The following GOLGA1 variants were observed in gnomAD, a reference collection of about 807,000 sequenced individuals.
GOLGA1 encodes the protein golgin subfamily A member 1.
In GOLGA1, 63 loss-of-function variants were observed where a neutral mutation model predicts 119.7. The ratio of observed to expected loss-of-function variants is 0.53; its 90% CI spans 0.43 to 0.65. The LOEUF (loss-of-function observed/expected upper bound fraction) is 0.65, where lower values mean the gene tolerates loss of function less well. Ranked by LOEUF, GOLGA1 falls within the 30% of genes least tolerant of loss-of-function variation. The pLI is 0.00. For missense variants in GOLGA1, 798 were observed against 912.8 expected (o/e 0.87, Z 1.62); for synonymous variants, 318 against 333.4 (o/e 0.95, Z 0.50).
chr9:124,941,911 T>A (rs1831039406), upstream of GOLGA1, among the ~76,000 whole-genome samples: 1 of 151,786 alleles, frequency 6.6e-6, no homozygotes, highest in South Asian at 2.1e-4. Context: ...CGAGACTCCG[T>A]CTCTTTAAAT....
At chr9:124,948,026 T>G (rs1012318903), upstream of GOLGA1, 2 of 152,218 alleles carry the variant, frequency 1.3e-5, no homozygotes, top group Non-Finnish European at 2.9e-5. Context: ...GACAGAAAGT[T>G]ACTATATCAC....
chr9:124,903,704 T>C lies in GOLGA1; in HGVS notation c.1066-3157A>G, dbSNP rs939100060. On this transcript the variant is annotated intron_variant, in intron 12 of 22. Coordinates refer to ENST00000373555, the MANE Select transcript of GOLGA1 (RefSeq NM_002077.4). ...TGGAATTCAAGTGTTCATCAATGAATGAATGGAGAAACAAAATGTGGTCTA... is the reference window on the plus strand; with the variant it reads ...TGGAATTCAAGTGTTCATCAATGAACGAATGGAGAAACAAAATGTGGTCTA... 3.9e-4 allele frequency among the ~76,000 whole-genome samples: 52 copies of C among 134,138 alleles called. 1 individual carries two copies. The highest frequency in any genetic ancestry group is 4.2e-4 in the Non-Finnish European group (26 of 61,506). 88.0% of individuals were successfully genotyped at this position (134,138 alleles called of 152,430 possible).
chr9:124,919,825 C>A (rs1764821429), intron 10 of GOLGA1, among the ~76,000 whole-genome samples: 1 of 152,074 alleles, frequency 6.6e-6, no homozygotes. Context: ...ACCCAGAGGC[C>A]AGGAATGCTA....
intron 10 of GOLGA1, among the ~76,000 whole-genome samples, chr9:124,915,311 G>A (rs1433646677): frequency 6.6e-6 from 1 of 152,222 alleles, no homozygotes; most frequent in Non-Finnish European, 1.5e-5. Context: ...GGGTAGTTGT[G>A]AGGACTCGAT....
At chr9:124,921,061 G>C (rs1830559796) in intron 10 of GOLGA1, 68 bp downstream of exon 10, 1 of 985,450 alleles carries the variant, frequency 1.0e-6, no homozygotes, top group Admixed American at 1.7e-5. Context: ...CTCTCAGGCA[G>C]AAATTTCTGA....
At chr9:124,916,616 G>A (rs1198047367) in intron 10 of GOLGA1, among the ~76,000 whole-genome samples, 1 of 152,096 alleles carries the variant, frequency 6.6e-6, no homozygotes, top group Non-Finnish European at 1.5e-5. Context: ...GCTCATGCCT[G>A]TAATCCCAGG....
At chr9:124,897,938 G>A (rs1262802804) in intron 15 of GOLGA1, among the ~76,000 whole-genome samples, 1 of 152,180 alleles carries the variant, frequency 6.6e-6, no homozygotes, top group Non-Finnish European at 1.5e-5. Flanking sequence ...AAGGTGCTTT[G>A]AAAGGGGCCA....
chr9:124,910,159 G>A (rs573460915), intron 11 of GOLGA1, among the ~76,000 whole-genome samples: 35 of 152,264 alleles, frequency 2.3e-4, no homozygotes, highest in African/African-American at 8.2e-4. Context: ...TCGATCTCCT[G>A]ATCTTGTGAT....
At chr9:124,897,422 G>C (rs1033024087) in intron 15 of GOLGA1, among the ~76,000 whole-genome samples, 3 of 152,124 alleles carry the variant, frequency 2.0e-5, no homozygotes, top group Non-Finnish European at 4.4e-5. Flanking sequence ...TTGGCTCACT[G>C]CAGCCTCCAC....
At chr9:124,945,769 A>G (rs1414276570), upstream of GOLGA1, 7 of 152,148 alleles carry the variant, frequency 4.6e-5, no homozygotes, top group Admixed American at 4.6e-4. Flanking sequence ...CCTTAAACAC[A>G]AGGCATGCTT....
rs575694779 is a variant in GOLGA1 at position 124,880,073 on chromosome 9, T to C, written c.*457A>G. 1.9e-5 allele frequency: 3 copies of C among 155,272 alleles called. No individual in the cohort carries two copies. Among genetic ancestry groups the C allele is most frequent in the Admixed American group, 6.3e-5 (1 of 15,872 alleles). The allele number at this position is 155,272 out of a possible 1,614,324, so 9.6% of individuals were successfully genotyped here. ...TCTGAATTTTTAAAAGCCACTCCCA[T>C]AGAGTTCCCATGGAGTTGGCTGTTC... On this transcript the variant is annotated 3_prime_UTR_variant, in exon 23 of 23. Transcript: ENST00000373555.
upstream of GOLGA1, chr9:124,943,660 A>G (rs2131556864): frequency 6.6e-6 from 1 of 152,348 alleles, no homozygotes; most frequent in East Asian, 1.9e-4. Context: ...TATGATTTAA[A>G]CAAGTGCATT....
At chr9:124,942,422 G>A (rs1237440074), upstream of GOLGA1, among the ~76,000 whole-genome samples, 5 of 152,120 alleles carry the variant, frequency 3.3e-5, no homozygotes, top group Non-Finnish European at 1.5e-5. Flanking sequence ...TTCTTCAACA[G>A]TCCCTTCCCT....
intron 19 of GOLGA1, among the ~76,000 whole-genome samples, chr9:124,884,891 T>C (rs968547686): frequency 6.6e-6 from 1 of 152,092 alleles, no homozygotes; most frequent in African/African-American, 2.4e-5. Context: ...AAGTTCACCC[T>C]CGAGGGGAAA....
intron 10 of GOLGA1, among the ~76,000 whole-genome samples, chr9:124,919,195 T>A (rs1338832670): frequency 6.6e-6 from 1 of 151,822 alleles, no homozygotes; most frequent in East Asian, 1.9e-4. Context: ...AGGCTGAGGC[T>A]GCAGTGAGCC....
intron 17 of GOLGA1, 22 bp from the exon 18 acceptor site, chr9:124,889,325 G>A (rs1482109804): frequency 1.2e-6 from 2 of 1,611,630 alleles, no homozygotes; most frequent in Admixed American, 3.3e-5. Context: ...AGGAGGGGAG[G>A]GGGCACTGTG....
In GOLGA1 at chr9:124,938,584, T is replaced by G; in HGVS notation, c.128A>C (p.Asp43Ala). Residue 43 changes from aspartate (D) to alanine (A), a missense_variant, in exon 3 of 23, where the codon GAT (aspartate) becomes GCT (alanine). Physicochemically the swap from Asp to Ala is moderately radical, Grantham distance 126 (BLOSUM62 -2). Coordinates refer to ENST00000373555, the MANE Select transcript of GOLGA1 (RefSeq NM_002077.4). Reference sequence around the variant, plus strand: ...TTAAGTAAAGGTACTTACAAAGTCATCTCCTGAGTCAGCTCCCATTGAGGC... The same window carrying G: ...TTAAGTAAAGGTACTTACAAAGTCAGCTCCTGAGTCAGCTCCCATTGAGGC... ...SVASMGADSG[D>A]DFASDGSSSR... 6.2e-7 allele frequency: 1 copy of G among 1,612,168 alleles called. No individual in the cohort carries two copies. The highest frequency in any genetic ancestry group is 1.1e-5 in the South Asian group (1 of 90,920).
intron 16 of GOLGA1, among the ~76,000 whole-genome samples, chr9:124,890,127 G>A (rs945065556): frequency 5.3e-5 from 8 of 152,210 alleles, no homozygotes; most frequent in African/African-American, 1.2e-4. Context: ...CACTAGGCCC[G>A]TGGACATGGA....
chr9:124,906,045 G>A (rs1014285945), intron 12 of GOLGA1, among the ~76,000 whole-genome samples: 31 of 151,326 alleles, frequency 2.0e-4, no homozygotes, highest in Non-Finnish European at 7.4e-5. Context: ...CCTGGGAGGC[G>A]GAGGTTGCAG....
Sources: allele counts gnomAD v4.1 joint callset (sites outside exome capture counted in the v4.1 genomes callset), GRCh38; gene constraint gnomAD v4.1.1; transcripts MANE v1.5; gene names NCBI Gene and HGNC (gene_info 2026-07-23, HGNC 2026-07-21).